Variants in AGRN observed in about 807,000 individuals in gnomAD.
The protein encoded by AGRN is agrin.
In AGRN, 106 loss-of-function variants were observed where a neutral mutation model predicts 211.0. The ratio of observed to expected loss-of-function variants is 0.50; its 90% confidence interval spans 0.43 to 0.59. AGRN has a LOEUF of 0.59. AGRN is among the 20% of genes least tolerant of loss of function. The pLI, the probability that AGRN is intolerant of heterozygous loss-of-function variation, is 0.00. For synonymous variants in AGRN, 1,525 were observed against 1,332.5 expected, an observed-to-expected ratio of 1.14 and a Z score of -3.15; for missense variants, 3,040 against 2,982.6, an observed-to-expected ratio of 1.02 and a Z score of -0.45.
intron 2 of AGRN, among the ~76,000 whole-genome samples, chr1:1,033,437 G>C (rs1423638154): frequency 2.0e-5 from 3 of 151,338 alleles, no homozygotes; most frequent in Admixed American, 1.3e-4. Flanking sequence ...CACCCCCGCG[G>C]GTGCGGGGCG....
Position 1,048,680 on chromosome 1 carries a change from T to G in AGRN, c.4106-187T>G. ...ACCTCGTGAGGCTGAGGCAGGAGAA[T>G]CGCTTGAACCTGGCAGGCGGAGGTT... On this transcript the variant is annotated intron_variant, in intron 23 of 35. Coordinates refer to ENST00000379370, the MANE Select transcript of AGRN (RefSeq NM_198576.4). This position sits in a 1 kb window ranked among gnomAD's most constrained non-coding sequence, Gnocchi z 5.9. 1.4e-6 allele frequency: 1 copy of G among 700,130 alleles called. No individual in the cohort carries two copies. Among genetic ancestry groups the G allele is most frequent in the Non-Finnish European group, 2.3e-6 (1 of 437,424 alleles). The allele number at this position is 700,130 out of a possible 1,614,324, so 43.4% of individuals were successfully genotyped here.
chr1:1,047,538 C>T (rs907321372), intron 20 of AGRN, 35 bp from the exon 21 acceptor site: 14 of 1,612,418 alleles, frequency 8.7e-6, no homozygotes, highest in South Asian at 6.6e-5. Flanking sequence ...CCGGCTTGGG[C>T]GGCCCCCCAA....
Position 1,048,509 on chromosome 1 carries a change from G to T in AGRN, c.4105+144G>T, listed in dbSNP as rs1019002120. 8 of 744,008 alleles carry T rather than the reference G, an allele frequency of 1.1e-5. No homozygotes were observed. Among genetic ancestry groups the T allele is most frequent in the Admixed American group, 3.1e-5 (1 of 32,354 alleles). 46.1% of individuals were successfully genotyped at this position (744,008 alleles called of 1,614,324 possible). ...GTTTCGGCCAGATGCGGTGGCTCACGCCTGTAATCCCAGCACTTTGGGAGG... is the reference window on the plus strand; with the variant it reads ...GTTTCGGCCAGATGCGGTGGCTCACTCCTGTAATCCCAGCACTTTGGGAGG... On this transcript the variant is annotated intron_variant, in intron 23 of 35. Transcript: ENST00000379370. This position sits in a 1 kb window ranked among gnomAD's most constrained non-coding sequence, Gnocchi z 5.9.
chr1:1,043,490 G>A (rs763634323), intron 8 of AGRN, 33 bp downstream of exon 8: 12 of 1,600,734 alleles, frequency 7.5e-6, no homozygotes, highest in Admixed American at 5.0e-5. Flanking sequence ...GGTGGGGGTC[G>A]GGGAGAGAGA....
chr1:1,036,800 G>C (rs4970350), intron 3 of AGRN, among the ~76,000 whole-genome samples: 1 of 151,922 alleles, frequency 6.6e-6, no homozygotes, highest in African/African-American at 2.4e-5. Flanking sequence ...AGAGGAGACC[G>C]GTCTGCGTGG....
chr1:1,025,126 T>G (rs907694376), intron 2 of AGRN, among the ~76,000 whole-genome samples: 2 of 152,044 alleles, frequency 1.3e-5, no homozygotes, highest in Non-Finnish European at 2.9e-5. Flanking sequence ...CATCCCTCCC[T>G]GCTAGGAGCC....
chr1:1,045,763 G>C lies in AGRN; in HGVS notation c.2567G>C (p.Arg856Pro). The change falls in exon 15 of 36, where the codon CGG (arginine) becomes CCG (proline). Residue 856 changes from arginine to proline, a missense_variant. By Grantham distance (103) the Arg-to-Pro change is moderately radical. This residue lies in a region of AGRN where 1,498 missense variants were observed against 1,457.8 expected (regional missense o/e 1.03). Coordinates refer to ENST00000379370, the MANE Select transcript of AGRN (RefSeq NM_198576.4). ...PCSCDPQGAV[R>P]DDCEQMTGLC... Reference sequence around the variant, plus strand: ...AGCTGTGATCCCCAAGGCGCCGTGCGGGATGACTGTGAGCAGATGACGGGG... The same window carrying C: ...AGCTGTGATCCCCAAGGCGCCGTGCCGGATGACTGTGAGCAGATGACGGGG... The C allele has an allele frequency of 6.2e-7, 1 of 1,613,406 alleles. No individual in the cohort carries two copies. Among genetic ancestry groups the C allele is most frequent in the South Asian group, 1.1e-5 (1 of 91,088 alleles).
Position 1,049,046 on chromosome 1 carries a change from C to CGCGTGCAGCTCAGGTGGGCGG in AGRN, c.4287_4298+9dup. 6.4e-7 allele frequency: 1 copy of CGCGTGCAGCTCAGGTGGGCGG among 1,555,720 alleles called. No individual in the cohort carries two copies. The stretch of plus-strand genomic sequence containing the variant: ...CCTGGCATTGGCGCTGCTAGATGGC[C>CGCGTGCAGCTCAGGTGGGCGG]GCGTGCAGCTCAGGTGGGCGGGGAG... On this transcript the variant is annotated inframe_insertion, in exon 24 of 36. Coordinates refer to ENST00000379370, the MANE Select transcript of AGRN (RefSeq NM_198576.4).
At chr1:1,033,992 C>A in intron 2 of AGRN, 1 of 451,836 alleles carries the variant, frequency 2.2e-6, no homozygotes. Flanking sequence ...CTTCGCCCCT[C>A]ACTCACCTCC....
intron 24 of AGRN, 26 bp downstream of exon 24, chr1:1,049,085 G>A: frequency 7.0e-7 from 1 of 1,431,022 alleles, no homozygotes; most frequent in South Asian, 1.3e-5. Flanking sequence ...ACGGGGCCGG[G>A]GCAGCTCAGG....
Position 1,032,992 on chromosome 1 carries a change from G to T in AGRN, c.464-2285G>T, listed in dbSNP as rs937417708. Among the ~76,000 whole-genome samples, 6 of 152,106 alleles carry T rather than the reference G, an allele frequency of 3.9e-5. No homozygotes were observed. The highest frequency in any genetic ancestry group is 7.4e-5 in the Non-Finnish European group (5 of 67,994). ...CCAGGGAGAGGGGCGACCTACGGGG[G>T]CGGGTGTGGGGACGCCGGACTACGC... On this transcript the variant is annotated intron_variant, in intron 2 of 35. Coordinates refer to ENST00000379370, the MANE Select transcript of AGRN (RefSeq NM_198576.4). This position sits in a 1 kb window ranked among gnomAD's most constrained non-coding sequence, Gnocchi z 4.7.
chr1:1,053,287 G>T, intron 33 of AGRN: 2 of 458,782 alleles, frequency 4.4e-6, no homozygotes, highest in Non-Finnish European at 7.2e-6. Flanking sequence ...TCTCGTGTCC[G>T]CACAAGCATG....
rs545384917 is a variant in AGRN, at chr1:1,039,939, G to A, written c.512-726G>A. ...GAGAATAGGAGATAGTAGAGGCGGA[G>A]GCCAGGAATTTGCACTTCTCCAGGG... is the stretch of plus-strand genomic sequence containing the variant. On this transcript the variant is annotated intron_variant, in intron 3 of 35. Transcript: ENST00000379370. Among the ~76,000 whole-genome samples, 3 of 152,338 alleles carry A rather than the reference G, an allele frequency of 2.0e-5. No homozygotes were observed. In the East Asian group the frequency reaches 5.8e-4, roughly 29 times the overall value.
At chr1:1,026,217 C>T (rs1022424273) in intron 2 of AGRN, among the ~76,000 whole-genome samples, 6 of 152,284 alleles carry the variant, frequency 3.9e-5, no homozygotes, top group African/African-American at 1.2e-4. Flanking sequence ...TGGAACTGGG[C>T]TCGCTCCCGC....
Position 1,047,894 on chromosome 1 carries a change from T to C in AGRN, c.3750T>C (p.Phe1250=), listed in dbSNP as rs138818746. The C allele has an allele frequency of 8.1e-6, 13 of 1,603,282 alleles. No homozygotes were observed. Among genetic ancestry groups the C allele is most frequent in the Non-Finnish European group, 1.0e-5 (12 of 1,176,160 alleles). The change falls in exon 22 of 36, where the codon TTT becomes TTC. Residue 1250 remains phenylalanine (F), a splice_region_variant and synonymous_variant. Coordinates refer to ENST00000379370, the MANE Select transcript of AGRN (RefSeq NM_198576.4). The part of the protein sequence containing the change: ...PLQEHVRFMD[F]DWFPAFITGA... ...AGGAGCACGTGCGATTTATGGACTT[T>C]GGTGAGCGCCAGGCCACGAGCCACA...
Position 1,051,661 on chromosome 1 carries a change from G to T in AGRN, c.5563+16G>T, listed in dbSNP as rs1645295857. ...TGCGAGAAGGGTGAGCCTGGCACAG[G>T]GCAGGGGGCGGAGGCCGGATGGGCC... is the stretch of plus-strand genomic sequence containing the variant. On this transcript the variant is annotated intron_variant, in intron 32 of 35. Coordinates refer to ENST00000379370, the MANE Select transcript of AGRN (RefSeq NM_198576.4). The T allele has an allele frequency of 2.5e-6, 4 of 1,612,680 alleles. No individual in the cohort carries two copies. Among genetic ancestry groups the T allele is most frequent in the Non-Finnish European group, 3.4e-6 (4 of 1,179,866 alleles).
chr1:1,026,589 T>G (rs1644525726), intron 2 of AGRN, among the ~76,000 whole-genome samples: 1 of 151,890 alleles, frequency 6.6e-6, no homozygotes, highest in Non-Finnish European at 1.5e-5. Context: ...GGGACCCAGG[T>G]CCACAGCCCC....
chr1:1,039,133 C>T (rs1644868113), intron 3 of AGRN, among the ~76,000 whole-genome samples: 1 of 152,214 alleles, frequency 6.6e-6, no homozygotes, highest in South Asian at 2.1e-4. Flanking sequence ...TGCCCACATT[C>T]TCACAGTGGG....
At chr1:1,022,856 T>C (rs113847517) in intron 2 of AGRN, among the ~76,000 whole-genome samples, 1,753 of 152,322 alleles carry the variant, frequency 0.012, 19 homozygotes, top group African/African-American at 0.027. Context: ...TGTCGAGCAC[T>C]CCTCGCCGTG....
Sources: allele counts gnomAD v4.1 joint callset (sites outside exome capture counted in the v4.1 genomes callset), GRCh38; gene constraint gnomAD v4.1.1; regional missense constraint gnomAD v4.1.1; non-coding constraint Gnocchi (gnomAD v3.1); transcripts MANE v1.5; gene names NCBI Gene and HGNC (gene_info 2026-07-23, HGNC 2026-07-21).